Variants in PPP5C observed in about 807,000 individuals in gnomAD.
PPP5C encodes protein phosphatase 5 catalytic subunit.
A neutral mutation model predicts 66.7 loss-of-function variants in PPP5C; 21 were observed. That is an observed-to-expected ratio of 0.31 (90% confidence interval 0.22 to 0.45). The LOEUF is 0.45. Among genes scored for constraint, PPP5C ranks in the 20% least tolerant of loss-of-function variants. The probability of loss-of-function intolerance (pLI) is 1.00; values close to 1 mark genes in which losing one functional copy is unlikely to be tolerated. For missense variants in PPP5C, 464 were observed against 675.9 expected (o/e 0.69, Z 3.48); for synonymous variants, 246 against 257.4 (o/e 0.96, Z 0.43).
rs779114061 is a variant in PPP5C at position 46,383,520 on chromosome 19, C to T, written c.699+44C>T. 3.3e-6 allele frequency: 5 copies of T among 1,535,012 alleles called. No homozygotes were observed. Among genetic ancestry groups the T allele is most frequent in the Non-Finnish European group, 2.7e-6 (3 of 1,128,344 alleles). On this transcript the variant is annotated intron_variant, in intron 5 of 12. Transcript: ENST00000012443. This position sits in a 1 kb window ranked among gnomAD's most constrained non-coding sequence, Gnocchi z 5.0. ...TGCGGGGAGGGCCAGCGGGGGTGGG[C>T]TCTCTGGCTGGGGAGGGGCCACAGA... is the stretch of plus-strand genomic sequence containing the variant.
In PPP5C at chr19:46,387,069, C is replaced by G. The variant is rs376210689; in HGVS notation, c.905-24C>G. 22 of 1,614,180 alleles carry G rather than the reference C, an allele frequency of 1.4e-5. No homozygotes were observed. The African/African-American group carries it at 1.6e-4, about 12-fold the overall frequency. The stretch of plus-strand genomic sequence containing the variant: ...CTGATGTACCTGGAGGCTGAGCTTT[C>G]TCTTCTGTCCCCGTGTTGGCCAGGC... On this transcript the variant is annotated intron_variant, in intron 7 of 12. Transcript: ENST00000012443.
Position 46,388,598 on chromosome 19 carries a change from C to T in PPP5C, c.1222C>T (p.Pro408Ser). 1 of 1,614,134 alleles carries T rather than the reference C, an allele frequency of 6.2e-7. No homozygotes were observed. The highest frequency in any genetic ancestry group is 8.5e-7 in the Non-Finnish European group (1 of 1,180,014). ...SKRGVSCQFG[P>S]DVTKAFLEEN... is the part of the protein sequence containing the mutation. ...GCGGGGCGTGAGCTGTCAGTTTGGG[C>T]CTGACGTCACCAAGGCCTTCTTGGA... The change falls in exon 11 of 13, where the codon CCT (proline) becomes TCT (serine). Residue 408 changes from proline to serine, a missense_variant. Coordinates refer to ENST00000012443, the MANE Select transcript of PPP5C (RefSeq NM_006247.4). This position sits in a 1 kb window ranked among gnomAD's most constrained non-coding sequence, Gnocchi z 4.9.
Position 46,387,348 on chromosome 19 carries a change from C to G in PPP5C, c.1048-18C>G, listed in dbSNP as rs375019056. Reference sequence around the variant, plus strand: ...TGGGTGGCACCTTCCCTCACAGCGGCATCCCCCATCTCCCCAGATCATGCA... The same window carrying G: ...TGGGTGGCACCTTCCCTCACAGCGGGATCCCCCATCTCCCCAGATCATGCA... On this transcript the variant is annotated intron_variant, in intron 8 of 12. Transcript: ENST00000012443. The G allele has an allele frequency of 1.9e-6, 3 of 1,606,316 alleles. No homozygotes were observed. The African/African-American group carries it at 4.0e-5, about 21-fold the overall frequency.
chr19:46,379,648 A>T (rs994656627), intron 4 of PPP5C, among the ~76,000 whole-genome samples: 1 of 152,004 alleles, frequency 6.6e-6, no homozygotes, highest in Admixed American at 6.6e-5. Flanking sequence ...TGTGTGAATC[A>T]GGAATCTTTT....
intron 8 of PPP5C, 48 bp downstream of exon 8, chr19:46,387,283 C>A: frequency 6.2e-7 from 1 of 1,613,644 alleles, no homozygotes; most frequent in Admixed American, 1.7e-5. Context: ...CCAGCCACAC[C>A]TGGGCAGATG....
At chr19:46,374,211 G>C (rs1972650793) in intron 2 of PPP5C, among the ~76,000 whole-genome samples, 1 of 152,166 alleles carries the variant, frequency 6.6e-6, no homozygotes, top group Non-Finnish European at 1.5e-5. Context: ...ACCCCGCTTG[G>C]CGCACACACC....
intron 1 of PPP5C, 147 bp downstream of exon 1, chr19:46,347,364 G>A: frequency 7.7e-7 from 1 of 1,291,082 alleles, no homozygotes; most frequent in Non-Finnish European, 1.0e-6. Flanking sequence ...GGATGGCGCT[G>A]CCAAGGAGCG....
At position 46,388,118 on chromosome 19, in the gene PPP5C, T is replaced by G; in HGVS notation, c.1136-290T>G. On this transcript the variant is annotated intron_variant, in intron 9 of 12. Transcript: ENST00000012443. This position sits in a 1 kb window ranked among gnomAD's most constrained non-coding sequence, Gnocchi z 4.9. ...GGGCAGTGCGGAGCCACCAAAGGCT[T>G]TGAGTGGGAGAGGGGCCTGATCTGA... 1.0e-5 allele frequency: 4 copies of G among 396,490 alleles called. No homozygotes were observed. The highest frequency in any genetic ancestry group is 5.6e-5 in the South Asian group (1 of 17,748). 24.6% of individuals were successfully genotyped at this position (396,490 alleles called of 1,614,324 possible).
At position 46,347,205 on chromosome 19, in the gene PPP5C, G is replaced by A. The variant is rs750033061; in HGVS notation, c.109G>A (p.Asp37Asn). 5 of 1,606,570 alleles carry A rather than the reference G, an allele frequency of 3.1e-6. No homozygotes were observed. The highest frequency in any genetic ancestry group is 4.2e-6 in the Non-Finnish European group (5 of 1,177,064). ...RAEELKTQAN[D>N]YFKAKDYENA... is the part of the protein sequence containing the mutation. ...AGAGGAGCTCAAGACTCAGGCCAAT[G>A]ACTACTTCAAAGGTGCGCCCGCCTG... Residue 37 changes from aspartate (D) to asparagine (N), a missense_variant, in exon 1 of 13, where the codon GAC (aspartate) becomes AAC (asparagine). By Grantham distance (23) the Asp-to-Asn change is conservative. Transcript: ENST00000012443.
At chr19:46,363,338 A>C (rs1435729664) in intron 2 of PPP5C, among the ~76,000 whole-genome samples, 1 of 129,774 alleles carries the variant, frequency 7.7e-6, no homozygotes, top group Admixed American at 8.1e-5. Flanking sequence ...AAAAAAAAAA[A>C]AAAAAAAAAC....
At chr19:46,365,685 C>T (rs1228852749) in intron 2 of PPP5C, among the ~76,000 whole-genome samples, 5 of 152,138 alleles carry the variant, frequency 3.3e-5, no homozygotes, top group African/African-American at 7.2e-5. Context: ...GACTCCAACA[C>T]GTCATGCATG....
intron 2 of PPP5C, among the ~76,000 whole-genome samples, chr19:46,356,839 T>C (rs978378547): frequency 6.6e-6 from 1 of 152,186 alleles, no homozygotes; most frequent in Admixed American, 6.5e-5. Flanking sequence ...CTATTTTACA[T>C]GTGGGCTGCA....
At chr19:46,380,026 C>T (rs1027851010) in intron 4 of PPP5C, among the ~76,000 whole-genome samples, 2 of 152,160 alleles carry the variant, frequency 1.3e-5, no homozygotes, top group Admixed American at 1.3e-4. Context: ...ATCTTATGGC[C>T]TGGGGCAGTG....
Position 46,389,393 on chromosome 19 carries a change from A to T in PPP5C, c.1356-658A>T. On this transcript the variant is annotated intron_variant, in intron 11 of 12. Coordinates refer to ENST00000012443, the MANE Select transcript of PPP5C (RefSeq NM_006247.4). Reference sequence around the variant, plus strand: ...CACACACACACACACACACACACACACACACACACACACACACACACACAC... The same window carrying T: ...CACACACACACACACACACACACACTCACACACACACACACACACACACAC... Among the ~76,000 whole-genome samples, 2 of 12,802 alleles carry T rather than the reference A, an allele frequency of 1.6e-4. 1 individual carries two copies. The highest frequency in any genetic ancestry group is 4.1e-4 in the African/African-American group (2 of 4,908). The allele number at this position is 12,802 out of a possible 152,430, so 8.4% of individuals were successfully genotyped here. A position where few individuals can be genotyped will look rare whatever the true frequency, so the allele number is the denominator to read the frequency against.
rs1314792871 is a variant in PPP5C at position 46,384,834 on chromosome 19, T to G, written c.829T>G (p.Ser277Ala). ...TAATGGTGACTTTGTGGACCGAGGC[T>G]CCTTCTCTGTAGAAGTGATCCTCAC... is the stretch of plus-strand genomic sequence containing the variant. ...IFNGDFVDRG[S>A]FSVEVILTLF... Residue 277 changes from serine (S) to alanine (A), a missense_variant, in exon 7 of 13, where the codon TCC becomes GCC. Ser to Ala is a moderately conservative substitution (Grantham distance 99). Around this residue, in one of 2 missense-constraint regions of PPP5C, gnomAD observed 387 missense variants for 626.0 expected, o/e 0.62. Transcript: ENST00000012443. The G allele has an allele frequency of 1.2e-6, 2 of 1,614,002 alleles. No homozygotes were observed. Among genetic ancestry groups the G allele is most frequent in the African/African-American group, 2.7e-5 (2 of 74,932 alleles).
chr19:46,384,990 C>A, intron 7 of PPP5C, 81 bp downstream of exon 7: 1 of 1,127,992 alleles, frequency 8.9e-7, no homozygotes, highest in South Asian at 1.2e-5. Context: ...ATAGTTGCAG[C>A]TGTATTTATT....
At chr19:46,356,468 C>T (rs1015659640) in intron 2 of PPP5C, among the ~76,000 whole-genome samples, 2 of 152,220 alleles carry the variant, frequency 1.3e-5, no homozygotes, top group Non-Finnish European at 2.9e-5. Context: ...TGGCCTTGGG[C>T]GGGGGAGCTC....
In PPP5C at chr19:46,383,312, C is replaced by T. The variant is rs1972826558; in HGVS notation, c.634-99C>T. The T allele has an allele frequency of 2.6e-6, 4 of 1,557,792 alleles. No homozygotes were observed. The highest frequency in any genetic ancestry group is 1.4e-5 in the African/African-American group (1 of 73,318). On this transcript the variant is annotated intron_variant, in intron 4 of 12. Transcript: ENST00000012443. The surrounding 1 kb of genome is among the most constrained non-coding windows in gnomAD (Gnocchi z 5.0). ...TCTTCTCTCCCTGCTTCTCCCTCGC[C>T]CTCAGCCCAGCAGCGTCTCATGGGC... is the stretch of plus-strand genomic sequence containing the variant.
At chr19:46,366,940 C>T (rs966006397) in intron 2 of PPP5C, among the ~76,000 whole-genome samples, 5 of 152,108 alleles carry the variant, frequency 3.3e-5, no homozygotes, top group Non-Finnish European at 7.3e-5. Context: ...TTTCTCATAC[C>T]CACCCTTTTC....
Sources: allele counts gnomAD v4.1 joint callset (sites outside exome capture counted in the v4.1 genomes callset), GRCh38; gene constraint gnomAD v4.1.1; regional missense constraint gnomAD v4.1.1; non-coding constraint Gnocchi (gnomAD v3.1); transcripts MANE v1.5; gene names NCBI Gene and HGNC (gene_info 2026-07-23, HGNC 2026-07-21).